CREM: variants seen among roughly 807,000 people sequenced by gnomAD.
CREM encodes cAMP responsive element modulator, also known as cAMP-responsive element modulator.
In CREM, 13 loss-of-function variants were observed where a neutral mutation model predicts 37.3. The ratio of observed to expected loss-of-function variants is 0.35; its 90% CI spans 0.23 to 0.55. The LOEUF is 0.55. Among genes scored for constraint, CREM ranks in the 20% least tolerant of loss-of-function variants. CREM has a pLI of 0.88. For missense variants in CREM, 296 were observed against 362.3 expected, an observed-to-expected ratio of 0.82 and a Z score of 1.49; for synonymous variants, 124 against 120.2, an observed-to-expected ratio of 1.03 and a Z score of -0.21.
chr10:35,160,146 G>C (rs995254545), intron 3 of CREM, among the ~76,000 whole-genome samples: 3 of 152,120 alleles, frequency 2.0e-5, no homozygotes, highest in African/African-American at 7.2e-5. Context: ...GGTACAGCCT[G>C]TTATTCCTGG....
At chr10:35,197,555 C>G (rs1433824300) in intron 6 of CREM, among the ~76,000 whole-genome samples, 4 of 151,940 alleles carry the variant, frequency 2.6e-5, no homozygotes, top group Non-Finnish European at 5.9e-5. Context: ...CGGGTTCACG[C>G]CATTCTCCTG....
intron 6 of CREM, chr10:35,196,261 C>A: frequency 1.8e-6 from 1 of 566,028 alleles, no homozygotes; most frequent in Non-Finnish European, 3.0e-6. Flanking sequence ...CAGGGAAGTG[C>A]TTGTCTTTTA....
chr10:35,195,478 C>G (rs2095114024), intron 6 of CREM, among the ~76,000 whole-genome samples: 1 of 151,814 alleles, frequency 6.6e-6, no homozygotes, highest in Non-Finnish European at 1.5e-5. Flanking sequence ...CCCCTCCTCC[C>G]CACTCTTCCC....
intron 6 of CREM, among the ~76,000 whole-genome samples, chr10:35,201,279 C>T (rs980247402): frequency 5.3e-5 from 8 of 152,072 alleles, no homozygotes; most frequent in South Asian, 2.1e-4. Flanking sequence ...AACTAATATA[C>T]GGTATAAGCA....
At chr10:35,137,952 A>G (rs1398548300) in intron 2 of CREM, 73 bp downstream of exon 2, 2 of 1,165,342 alleles carry the variant, frequency 1.7e-6, no homozygotes, top group Non-Finnish European at 2.5e-6. Context: ...ATAAATTGAT[A>G]TATAGATGTA....
intron 6 of CREM, among the ~76,000 whole-genome samples, chr10:35,194,746 T>G (rs1444808339): frequency 1.3e-5 from 2 of 152,014 alleles, no homozygotes; most frequent in Non-Finnish European, 2.9e-5. Flanking sequence ...AATGTGTTTT[T>G]TTTTTTTTTA....
chr10:35,169,812 A>AAT (rs1415255220), intron 3 of CREM, among the ~76,000 whole-genome samples: 2 of 152,038 alleles, frequency 1.3e-5, no homozygotes, highest in African/African-American at 4.8e-5. Context: ...AGGGCTGTTG[A>AAT]ATTTTGTCAA....
chr10:35,150,229 A>G (rs1203700593), intron 3 of CREM, among the ~76,000 whole-genome samples: 3 of 152,018 alleles, frequency 2.0e-5, no homozygotes, highest in South Asian at 4.2e-4. Flanking sequence ...AGTTCTCACT[A>G]TATTGCCCAG....
rs553668367 is a variant in CREM, at chr10:35,138,870, G to A, written c.44+991G>A. On this transcript the variant is annotated intron_variant, in intron 2 of 7. Transcript: ENST00000685392. ...GAGAAAAGGGAAGAAGACCAGCCTG[G>A]GTAACATAGCAAGATCCTGTCTCTT... is the stretch of plus-strand genomic sequence containing the variant. Among the ~76,000 whole-genome samples the A allele has an allele frequency of 1.1e-4, 16 of 151,248 alleles. 1 individual carries two copies. The highest frequency in any genetic ancestry group is 2.0e-4 in the Admixed American group (3 of 15,156).
chr10:35,144,755 G>A (rs1175072489), intron 2 of CREM, among the ~76,000 whole-genome samples: 1 of 145,326 alleles, frequency 6.9e-6, no homozygotes, highest in Non-Finnish European at 1.5e-5. Flanking sequence ...TTTTTTTGAT[G>A]GGAGACTTCT....
At chr10:35,200,069 A>C (rs2095339001) in intron 6 of CREM, among the ~76,000 whole-genome samples, 1 of 151,802 alleles carries the variant, frequency 6.6e-6, no homozygotes, top group Non-Finnish European at 1.5e-5. Flanking sequence ...TTGCATTTTT[A>C]GTAGAGACAG....
rs769398861 is a variant in CREM, at chr10:35,188,255, T to G, written c.465T>G (p.Val155=). 1 of 1,614,192 alleles carries G rather than the reference T, an allele frequency of 6.2e-7. No individual in the cohort carries two copies. Among genetic ancestry groups the G allele is most frequent in the Admixed American group, 1.7e-5 (1 of 60,022 alleles). ...TTTCTAACCCAGGATCTGATGGTGT[T>G]CAGGGACTGCAGGCATTAACAATGA... ...IQISNPGSDG[V]QGLQALTMTN... Residue 155 remains valine (V), a synonymous_variant, in exon 6 of 8, where the codon GTT becomes GTG. Coordinates refer to ENST00000685392, the MANE Select transcript of CREM (RefSeq NM_183011.2).
At chr10:35,160,071 GCA>G (rs1333055651) in intron 3 of CREM, among the ~76,000 whole-genome samples, 1 of 151,616 alleles carries the variant, frequency 6.6e-6, no homozygotes, top group Non-Finnish European at 1.5e-5. Context: ...TCATCTTTGT[GCA>G]AACATCTAGA....
intron 2 of CREM, among the ~76,000 whole-genome samples, chr10:35,142,573 G>A (rs375561339): frequency 2.1e-4 from 32 of 152,236 alleles, no homozygotes; most frequent in African/African-American, 6.5e-4. Flanking sequence ...TCAGTTTGCC[G>A]CCCATTTGAG....
chr10:35,167,669 C>G (rs1228708552), intron 3 of CREM: 2 of 1,554,126 alleles, frequency 1.3e-6, no homozygotes, highest in Non-Finnish European at 1.8e-6. Context: ...CTGTCAATTG[C>G]ATCATCTTAC....
chr10:35,180,391 C>A (rs1384767682), intron 5 of CREM, among the ~76,000 whole-genome samples: 1 of 152,118 alleles, frequency 6.6e-6, no homozygotes, highest in Non-Finnish European at 1.5e-5. Context: ...AAGCTATAAT[C>A]TTTAATGTAT....
At chr10:35,176,645 G>A (rs1019690531) in intron 3 of CREM, among the ~76,000 whole-genome samples, 2 of 151,942 alleles carry the variant, frequency 1.3e-5, no homozygotes, top group African/African-American at 4.8e-5. Flanking sequence ...TCCTGACCTC[G>A]TGATCCGCCT....
intron 6 of CREM, among the ~76,000 whole-genome samples, chr10:35,202,336 GCTAA>G (rs982832424): frequency 6.6e-6 from 1 of 152,176 alleles, no homozygotes; most frequent in Admixed American, 6.5e-5. Context: ...GAAATTTGAA[GCTAA>G]CTAAGATAAA....
chr10:35,205,967 A>T (rs1283938111), intron 6 of CREM, among the ~76,000 whole-genome samples: 2 of 151,238 alleles, frequency 1.3e-5, no homozygotes, highest in Non-Finnish European at 3.0e-5. Flanking sequence ...TAAAAAAAAA[A>T]GCCAGGCGCG....
Sources: allele counts gnomAD v4.1 joint callset (sites outside exome capture counted in the v4.1 genomes callset), GRCh38; gene constraint gnomAD v4.1.1; transcripts MANE v1.5; gene names NCBI Gene and HGNC (gene_info 2026-07-23, HGNC 2026-07-21).